Variants in ASIC5 observed in about 807,000 individuals in gnomAD.
ASIC5 encodes the protein acid sensing ion channel subunit family member 5.
Under a neutral mutation model 51.2 loss-of-function variants are expected in ASIC5, and 52 were observed. The observed-to-expected ratio is 1.02, with a 90% CI of 0.81 to 1.28. The LOEUF (loss-of-function observed/expected upper bound fraction) is 1.28. Ranked by LOEUF, ASIC5 falls within the 50% of genes most tolerant of loss-of-function variation. The probability of loss-of-function intolerance (pLI) is 0.00; values close to 1 mark genes in which losing one functional copy is unlikely to be tolerated. For synonymous variants in ASIC5, 231 were observed against 200.7 expected, an observed-to-expected ratio of 1.15 and a Z score of -1.28; for missense variants, 635 against 595.0, an observed-to-expected ratio of 1.07 and a Z score of -0.70.
chr4:155,834,766 C>T (rs1015491908), intron 8 of ASIC5, among the ~76,000 whole-genome samples: 2 of 152,066 alleles, frequency 1.3e-5, no homozygotes, highest in Non-Finnish European at 2.9e-5. Context: ...ACCCCCTATC[C>T]TGCCTCCATA....
chr4:155,854,875 G>C (rs578020289), intron 2 of ASIC5: 1 of 152,682 alleles, frequency 6.5e-6, no homozygotes, highest in East Asian at 1.9e-4. Context: ...GTAAGAGTGC[G>C]ACCTGGTAAA....
intron 2 of ASIC5, among the ~76,000 whole-genome samples, chr4:155,859,785 G>A (rs1212836374): frequency 6.6e-6 from 1 of 151,940 alleles, no homozygotes; most frequent in Non-Finnish European, 1.5e-5. Flanking sequence ...CCCATATATA[G>A]AAAAGTATTA....
At chr4:155,830,659 C>T (rs1237136694) in intron 9 of ASIC5, among the ~76,000 whole-genome samples, 1 of 152,134 alleles carries the variant, frequency 6.6e-6, no homozygotes, top group Non-Finnish European at 1.5e-5. Flanking sequence ...AGTACGTTCA[C>T]ATTGTTTTGC....
chr4:155,854,004 G>T, intron 3 of ASIC5, 73 bp downstream of exon 3: 1 of 1,132,004 alleles, frequency 8.8e-7, no homozygotes, highest in East Asian at 2.4e-5. Context: ...AAATGCCGTG[G>T]GAGCTCAATG....
intron 1 of ASIC5, among the ~76,000 whole-genome samples, chr4:155,864,312 T>G (rs186124929): frequency 6.6e-6 from 1 of 152,310 alleles, no homozygotes; most frequent in Admixed American, 6.5e-5. Flanking sequence ...CAGTGTTCAG[T>G]TGTAGTATTA....
intron 6 of ASIC5, 82 bp downstream of exon 6, chr4:155,842,125 C>A (rs1741131659): frequency 7.7e-7 from 1 of 1,302,074 alleles, no homozygotes; most frequent in Non-Finnish European, 1.1e-6. Context: ...TTTCAATACT[C>A]TATTTCTCCC....
At chr4:155,847,052 T>G (rs914933580) in intron 4 of ASIC5, among the ~76,000 whole-genome samples, 1 of 152,024 alleles carries the variant, frequency 6.6e-6, no homozygotes, top group African/African-American at 2.4e-5. Context: ...AGTCCTAAAA[T>G]AAAATGACTG....
At chr4:155,847,377 C>T (rs1042035242) in intron 4 of ASIC5, among the ~76,000 whole-genome samples, 22 of 151,980 alleles carry the variant, frequency 1.4e-4, no homozygotes, top group African/African-American at 5.1e-4. Context: ...TAAACACTAA[C>T]AGCAATTAAA....
chr4:155,837,003 G>A, intron 7 of ASIC5, 146 bp from the exon 8 acceptor site: 2 of 562,416 alleles, frequency 3.6e-6, no homozygotes, highest in Non-Finnish European at 6.0e-6. Flanking sequence ...AAACAAATAT[G>A]TTACTCTGAA....
At chr4:155,839,963 C>T (rs1304446075) in intron 6 of ASIC5, among the ~76,000 whole-genome samples, 1 of 152,082 alleles carries the variant, frequency 6.6e-6, no homozygotes, top group Non-Finnish European at 1.5e-5. Context: ...GTGGAATTAC[C>T]TCAGCGAATT....
At chr4:155,840,172 A>C (rs978793545) in intron 6 of ASIC5, among the ~76,000 whole-genome samples, 1 of 152,022 alleles carries the variant, frequency 6.6e-6, no homozygotes, top group Non-Finnish European at 1.5e-5. Context: ...TGGTTTAATA[A>C]TCATAACTTT....
intron 3 of ASIC5, among the ~76,000 whole-genome samples, chr4:155,852,604 G>A (rs1741410058): frequency 6.6e-6 from 1 of 151,778 alleles, no homozygotes; most frequent in African/African-American, 2.4e-5. Context: ...GAAGATGTAT[G>A]GAAACATGTT....
Position 155,842,208 on chromosome 4 carries a change from AG to A in ASIC5, c.1007del (p.Pro336LeufsTer5). On this transcript the variant is annotated frameshift_variant and splice_region_variant, in exon 6 of 10. Coordinates refer to ENST00000537611, the MANE Select transcript of ASIC5 (RefSeq NM_017419.3). LOFTEE classifies it high-confidence loss of function. ...AGGGGGCAGTTAGTCTTTATTTACC[AG>A]GAAGAAGAAAAGGCACACATCCACA... is the stretch of plus-strand genomic sequence containing the variant. ...KQCGCVPFLL[P>X]GYGIECDLQK... 1 of 1,613,158 alleles carries A rather than the reference AG, an allele frequency of 6.2e-7. No individual in the cohort carries two copies. The highest frequency in any genetic ancestry group is 8.5e-7 in the Non-Finnish European group (1 of 1,179,412).
intron 2 of ASIC5, among the ~76,000 whole-genome samples, chr4:155,861,592 T>C (rs1174726537): frequency 6.6e-6 from 1 of 152,056 alleles, no homozygotes; most frequent in Non-Finnish European, 1.5e-5. Flanking sequence ...ACACAACATA[T>C]AGCTGGATCT....
At chr4:155,851,976 G>C (rs1741391550) in intron 4 of ASIC5, among the ~76,000 whole-genome samples, 1 of 151,896 alleles carries the variant, frequency 6.6e-6, no homozygotes, top group South Asian at 2.1e-4. Context: ...AAGTCAGTAG[G>C]ATAGCTAAAA....
intron 7 of ASIC5, among the ~76,000 whole-genome samples, chr4:155,837,120 ATC>A (rs1482034941): frequency 1.1e-4 from 2 of 17,564 alleles, no homozygotes; most frequent in Non-Finnish European, 2.9e-4. Context: ...TTCAGGAAGT[ATC>A]TGGGTCTATT....
At chr4:155,849,953 C>A (rs1350193535) in intron 4 of ASIC5, among the ~76,000 whole-genome samples, 2 of 151,908 alleles carry the variant, frequency 1.3e-5, no homozygotes, top group African/African-American at 2.4e-5. Context: ...TCCCTTCCTC[C>A]CACTATTTTC....
intron 2 of ASIC5, 139 bp from the exon 3 acceptor site, chr4:155,854,453 T>C (rs186165348): frequency 2.3e-5 from 15 of 656,500 alleles, no homozygotes; most frequent in Admixed American, 2.2e-4. Flanking sequence ...TAAGCAAAAT[T>C]TGATGCCTAA....
At chr4:155,842,404 A>C (rs772835989) in intron 5 of ASIC5, 50 bp from the exon 6 acceptor site, 1 of 1,470,732 alleles carries the variant, frequency 6.8e-7, no homozygotes. Flanking sequence ...ACATCAATTC[A>C]CTTATTTTCC....
Sources: gnomAD v4.1 joint callset for allele counts (sites outside exome capture counted in the v4.1 genomes callset) on GRCh38, gnomAD v4.1.1 for gene constraint, MANE v1.5 for transcripts, NCBI Gene and HGNC (gene_info 2026-07-23, HGNC 2026-07-21) for gene names.